Variants in MATN3 observed in about 807,000 individuals in gnomAD.
The protein encoded by MATN3 is matrilin-3.
A neutral mutation model predicts 45.3 loss-of-function variants in MATN3; 48 were observed. The observed-to-expected ratio is 1.06, with a 90% confidence interval of 0.84 to 1.35. The LOEUF (loss-of-function observed/expected upper bound fraction) is 1.35, where lower values mean the gene tolerates loss of function less well. MATN3 is among the 40% of genes most tolerant of loss of function. The pLI, the probability that MATN3 is intolerant of heterozygous loss-of-function variation, is 0.00. For missense variants in MATN3, 599 were observed against 628.0 expected, an observed-to-expected ratio of 0.95 and a Z score of 0.49; for synonymous variants, 217 against 245.9, an observed-to-expected ratio of 0.88 and a Z score of 1.10.
intron 2 of MATN3, among the ~76,000 whole-genome samples, chr2:20,005,042 A>T (rs183231975): frequency 8.2e-4 from 125 of 152,346 alleles, no homozygotes; most frequent in Non-Finnish European, 1.6e-3. Context: ...TAAAATTAGC[A>T]TGTCCTTATT....
intron 1 of MATN3, among the ~76,000 whole-genome samples, chr2:20,010,067 T>TACAAAAAAAAAAAAAAAAAAAAA (rs1673188771): frequency 1.5e-5 from 1 of 68,706 alleles, no homozygotes; most frequent in Non-Finnish European, 2.5e-5. Flanking sequence ...CTTCAAATAC[T>TACAAAAAAAAAAAAAAAAAAAAA]AAAAAAAAAA....
In MATN3 at chr2:19,997,265, C is replaced by T. The variant is rs779296819; in HGVS notation, c.1169-6G>A. 31 of 1,597,166 alleles carry T rather than the reference C, an allele frequency of 1.9e-5. No individual in the cohort carries two copies. The highest frequency in any genetic ancestry group is 3.3e-4 in the Middle Eastern group (2 of 6,034). On this transcript the variant is annotated splice_polypyrimidine_tract_variant and splice_region_variant and intron_variant, in intron 5 of 7. Transcript: ENST00000407540. ...TAGGGCACACTTGTCACGGACTGAC[C>T]GCACGTGGTGCAGGAAAGAAAATAT...
chr2:20,003,239 T>G lies in MATN3; in HGVS notation c.838A>C (p.Ile280Leu), dbSNP rs527437250. 67 of 1,613,990 alleles carry G rather than the reference T, an allele frequency of 4.2e-5. 1 individual carries two copies. The South Asian group carries it at 4.9e-4, about 12-fold the overall frequency. ...LGTHQCQHVCISDGEGKHHCE... is the reference protein window; with the variant it reads ...LGTHQCQHVCLSDGEGKHHCE... ...TGGTGCTTGCCTTCCCCATCACTGA[T>G]GCAGACGTGCTGGCACTGGTGTGTT... Residue 280 changes from isoleucine (I) to leucine (L), a missense_variant, in exon 3 of 8, where the codon ATC (isoleucine) becomes CTC (leucine). Transcript: ENST00000407540.
intron 5 of MATN3, among the ~76,000 whole-genome samples, chr2:19,998,056 A>G (rs368891612): frequency 2.0e-5 from 3 of 152,242 alleles, no homozygotes; most frequent in East Asian, 3.9e-4. Flanking sequence ...AAAATAGTTT[A>G]TTTCCCTCTA....
In MATN3 at chr2:20,006,058, C is replaced by T. The variant is rs1476766659; in HGVS notation, c.476G>A (p.Gly159Asp). The T allele has an allele frequency of 6.2e-7, 1 of 1,613,992 alleles. No homozygotes were observed. Among genetic ancestry groups the T allele is most frequent in the Admixed American group, 1.7e-5 (1 of 60,024 alleles). ...AVGRITPLST[G>D]TMSGLAIQTA... ...CTGGATGGCTAGGCCTGACATGGTG[C>T]CTGTTGACAAGGGTGTGATTCGACC... is the stretch of plus-strand genomic sequence containing the variant. The change falls in exon 2 of 8, where the codon GGC becomes GAC. Residue 159 changes from glycine (G) to aspartate (D), a missense_variant. Transcript: ENST00000407540.
intron 2 of MATN3, chr2:20,003,913 C>A (rs952163330): frequency 1.3e-5 from 2 of 152,212 alleles, no homozygotes; most frequent in African/African-American, 4.8e-5. Context: ...CTAATACAAA[C>A]AGGTAAAAAG....
intron 1 of MATN3, among the ~76,000 whole-genome samples, chr2:20,009,468 A>G (rs2103485641): frequency 6.6e-6 from 1 of 152,112 alleles, no homozygotes; most frequent in African/African-American, 2.4e-5. Flanking sequence ...ATCACACACC[A>G]GCGCCTGTCA....
chr2:20,003,279 G>T lies in MATN3; in HGVS notation c.798C>A (p.Asp266Glu). ...SRFQETFCALDPCVLGTHQCQ... is the reference protein window; with the variant it reads ...SRFQETFCALEPCVLGTHQCQ... ...ACTGGTGTGTTCCAAGCACACAGGG[G>T]TCCAGCGCTGTGAGAGGAAGTTTAC... The change falls in exon 3 of 8, where the codon GAC becomes GAA. Residue 266 changes from aspartate (D) to glutamate (E), a missense_variant. Transcript: ENST00000407540. 6.2e-7 allele frequency: 1 copy of T among 1,612,014 alleles called. No individual in the cohort carries two copies. The highest frequency in any genetic ancestry group is 8.5e-7 in the Non-Finnish European group (1 of 1,178,504).
rs1394491277 is a variant in MATN3 at position 19,992,390 on chromosome 2, T to G, written c.*721A>C. On this transcript the variant is annotated 3_prime_UTR_variant, in exon 8 of 8. Coordinates refer to ENST00000407540, the MANE Select transcript of MATN3 (RefSeq NM_002381.5). Reference sequence around the variant, plus strand: ...TTTATAAATATATAACTTTGTCACTTGGATCCTGAAGCAAAATAATAAAGT... The same window carrying G: ...TTTATAAATATATAACTTTGTCACTGGGATCCTGAAGCAAAATAATAAAGT... 1 of 152,186 alleles carries G rather than the reference T, an allele frequency of 6.6e-6. No individual in the cohort carries two copies. The highest frequency in any genetic ancestry group is 2.4e-5 in the African/African-American group (1 of 41,458). The allele number at this position is 152,186 out of a possible 1,614,324, so 9.4% of individuals were successfully genotyped here. A position where few individuals can be genotyped will look rare whatever the true frequency, so the allele number is the denominator to read the frequency against.
At chr2:19,998,288 G>C (rs1672918930) in intron 5 of MATN3, among the ~76,000 whole-genome samples, 1 of 151,584 alleles carries the variant, frequency 6.6e-6, no homozygotes, top group African/African-American at 2.4e-5. Flanking sequence ...TTCCAGGTTA[G>C]TACCCACTCT....
intron 1 of MATN3, among the ~76,000 whole-genome samples, chr2:20,007,427 G>T (rs1673129346): frequency 6.6e-6 from 1 of 150,734 alleles, no homozygotes; most frequent in East Asian, 2.0e-4. Context: ...TACTCGGGAG[G>T]CTGAGGCAGG....
At chr2:19,998,766 A>G (rs1344368555) in intron 5 of MATN3, among the ~76,000 whole-genome samples, 2 of 94,888 alleles carry the variant, frequency 2.1e-5, no homozygotes, top group Non-Finnish European at 4.5e-5. Flanking sequence ...AAAAAAGAGA[A>G]GAAAAAAAAA....
At chr2:20,008,491 G>A (rs1048596049) in intron 1 of MATN3, among the ~76,000 whole-genome samples, 26 of 152,144 alleles carry the variant, frequency 1.7e-4, no homozygotes, top group Admixed American at 1.4e-3. Flanking sequence ...AGCCTTACCT[G>A]GAACAGCCTA....
At position 19,993,044 on chromosome 2, in the gene MATN3, G is replaced by T; in HGVS notation, c.*67C>A. On this transcript the variant is annotated 3_prime_UTR_variant, in exon 8 of 8. Coordinates refer to ENST00000407540, the MANE Select transcript of MATN3 (RefSeq NM_002381.5). Reference sequence around the variant, plus strand: ...CAGGAACATTGGCAATAACAGGTGTGCAAAAGAATGCATGAGTATTAAGTA... The same window carrying T: ...CAGGAACATTGGCAATAACAGGTGTTCAAAAGAATGCATGAGTATTAAGTA... The T allele has an allele frequency of 8.0e-7, 1 of 1,257,218 alleles. No individual in the cohort carries two copies. The highest frequency in any genetic ancestry group is 1.2e-6 in the Non-Finnish European group (1 of 857,668). The allele number at this position is 1,257,218 out of a possible 1,614,324, so 77.9% of individuals were successfully genotyped here.
Position 19,995,193 on chromosome 2 carries a change from C to T in MATN3, c.1295-784G>A, listed in dbSNP as rs1355974346. On this transcript the variant is annotated intron_variant, in intron 6 of 7. Coordinates refer to ENST00000407540, the MANE Select transcript of MATN3 (RefSeq NM_002381.5). This position sits in a 1 kb window ranked among gnomAD's most constrained non-coding sequence, Gnocchi z 4.2. Reference sequence around the variant, plus strand: ...TAGGGCCAGGCGCAGTGGCTCACACCTGTAATCCCAGGACTTTGGGAGGCC... The same window carrying T: ...TAGGGCCAGGCGCAGTGGCTCACACTTGTAATCCCAGGACTTTGGGAGGCC... Among the ~76,000 whole-genome samples the T allele has an allele frequency of 6.6e-6, 1 of 152,228 alleles. No individual in the cohort carries two copies. Among genetic ancestry groups the T allele is most frequent in the Non-Finnish European group, 1.5e-5 (1 of 68,048 alleles).
intron 1 of MATN3, among the ~76,000 whole-genome samples, chr2:20,011,808 G>A (rs1482070837): frequency 6.6e-6 from 1 of 152,162 alleles, no homozygotes; most frequent in Admixed American, 6.5e-5. Context: ...CGACCTGCCC[G>A]CTTCGCTGCA....
At chr2:20,005,069 G>C (rs1673068037) in intron 2 of MATN3, among the ~76,000 whole-genome samples, 1 of 152,136 alleles carries the variant, frequency 6.6e-6, no homozygotes, top group South Asian at 2.1e-4. Flanking sequence ...CCATCCTAAA[G>C]GATGGAAGGA....
At chr2:20,010,752 A>C (rs1186229196) in intron 1 of MATN3, among the ~76,000 whole-genome samples, 1 of 152,244 alleles carries the variant, frequency 6.6e-6, no homozygotes, top group Non-Finnish European at 1.5e-5. Context: ...CAGTGAGACC[A>C]GGGTCAGACT....
At chr2:19,999,860 G>A (rs1163073517) in intron 5 of MATN3, among the ~76,000 whole-genome samples, 1 of 152,132 alleles carries the variant, frequency 6.6e-6, no homozygotes. Context: ...AAATTAATGA[G>A]GATTAACAGC....
Sources: allele counts gnomAD v4.1 joint callset (sites outside exome capture counted in the v4.1 genomes callset), GRCh38; gene constraint gnomAD v4.1.1; non-coding constraint Gnocchi (gnomAD v3.1); transcripts MANE v1.5; gene names NCBI Gene and HGNC (gene_info 2026-07-23, HGNC 2026-07-21).